The following GOLM1 variants were observed in gnomAD, a reference collection of about 807,000 sequenced individuals.
GOLM1 encodes the protein golgi membrane protein 1.
Under a neutral mutation model 50.5 loss-of-function variants are expected in GOLM1, and 31 were observed. The ratio of observed to expected loss-of-function variants is 0.61; its 90% confidence interval spans 0.46 to 0.83. The LOEUF (loss-of-function observed/expected upper bound fraction) is 0.83. Among genes scored for constraint, GOLM1 ranks in the 40% least tolerant of loss-of-function variants. The pLI, the probability that GOLM1 is intolerant of heterozygous loss-of-function variation, is 0.00. For synonymous variants in GOLM1, 178 were observed against 192.8 expected (o/e 0.92, Z 0.64); for missense variants, 491 against 501.3 (o/e 0.98, Z 0.20).
chr9:86,085,064 G>C (rs918031606), intron 1 of GOLM1: 3 of 135,816 alleles, frequency 2.2e-5, no homozygotes, highest in African/African-American at 7.0e-5. Flanking sequence ...CAAACAAAAA[G>C]ACAGTTAGGC....
rs900703749 is a variant in GOLM1 at position 86,027,531 on chromosome 9, C to T, written c.*286G>A. The T allele has an allele frequency of 1.1e-5, 13 of 1,208,200 alleles. No individual in the cohort carries two copies. In the East Asian group the frequency reaches 4.0e-4, roughly 37 times the overall value. 74.8% of individuals were successfully genotyped at this position (1,208,200 alleles called of 1,614,324 possible). A position where few individuals can be genotyped will look rare whatever the true frequency, so the allele number is the denominator to read the frequency against. ...AATCAGGAAGCCCCGCTGTCGCCAA[C>T]ACTTGAAGGAGAACTATGTTCCAGT... On this transcript the variant is annotated 3_prime_UTR_variant, in exon 10 of 10. Transcript: ENST00000388712.
chr9:86,055,788 GA>G (rs1833966606), intron 3 of GOLM1, among the ~76,000 whole-genome samples: 1 of 152,166 alleles, frequency 6.6e-6, no homozygotes, highest in South Asian at 2.1e-4. Flanking sequence ...AGGGATAGGA[GA>G]GGGGGGAGGG....
chr9:86,073,178 G>A (rs1834500651), intron 3 of GOLM1, among the ~76,000 whole-genome samples: 1 of 151,408 alleles, frequency 6.6e-6, no homozygotes, highest in South Asian at 2.1e-4. Context: ...CTCAATCACC[G>A]GTTTCTAGAT....
intron 3 of GOLM1, among the ~76,000 whole-genome samples, chr9:86,070,869 G>T (rs1834428994): frequency 6.6e-6 from 1 of 152,160 alleles, no homozygotes. Flanking sequence ...CAAAGGATCT[G>T]ATCTGCAGGC....
At chr9:86,034,079 C>T (rs1428144047) in intron 8 of GOLM1, among the ~76,000 whole-genome samples, 2 of 151,964 alleles carry the variant, frequency 1.3e-5, no homozygotes, top group Non-Finnish European at 2.9e-5. Flanking sequence ...ATTCTCCTGC[C>T]TCAGCCTCCC....
In GOLM1 at chr9:86,079,262, G is replaced by A; in HGVS notation, c.59C>T (p.Ala20Val). ...CAAGACGATGATGCAGGCCACCAGG[G>A]CGGCCAGCACGAGGGGCGGCGACTT... is the stretch of plus-strand genomic sequence containing the variant. Reference protein sequence around the residue: ...SMKSPPLVLAALVACIIVLGF... With the variant: ...SMKSPPLVLAVLVACIIVLGF... Residue 20 changes from alanine to valine, a missense_variant, in exon 2 of 10, where the codon GCC becomes GTC. Coordinates refer to ENST00000388712, the MANE Select transcript of GOLM1 (RefSeq NM_016548.4). 1.2e-6 allele frequency: 2 copies of A among 1,611,020 alleles called. No individual in the cohort carries two copies. The highest frequency in any genetic ancestry group is 1.7e-6 in the Non-Finnish European group (2 of 1,177,678).
At position 86,027,130 on chromosome 9, in the gene GOLM1, C is replaced by T. The variant is rs1832810382; in HGVS notation, c.*687G>A. ...ACACACGAAGCAAAGTAAATAAAGA[C>T]CACAAATGTTCAAATTCTAAGCCAC... On this transcript the variant is annotated 3_prime_UTR_variant, in exon 10 of 10. Transcript: ENST00000388712. 1 of 980,988 alleles carries T rather than the reference C, an allele frequency of 1.0e-6. No individual in the cohort carries two copies. The highest frequency in any genetic ancestry group is 4.9e-5 in the South Asian group (1 of 20,388). The allele number at this position is 980,988 out of a possible 1,614,324, so 60.8% of individuals were successfully genotyped here. A position where few individuals can be genotyped will look rare whatever the true frequency, so the allele number is the denominator to read the frequency against.
intron 9 of GOLM1, among the ~76,000 whole-genome samples, chr9:86,029,040 G>A (rs1252920452): frequency 6.6e-6 from 1 of 151,938 alleles, no homozygotes; most frequent in South Asian, 2.1e-4. Flanking sequence ...TGTAGTTTTA[G>A]TAGAGGCGGG....
At chr9:86,098,093 G>A (rs1262878331) in intron 1 of GOLM1, among the ~76,000 whole-genome samples, 1 of 151,994 alleles carries the variant, frequency 6.6e-6, no homozygotes, top group East Asian at 1.9e-4. Flanking sequence ...TGTGAAAATT[G>A]GATAACCTCT....
At chr9:86,085,449 TTTTG>T (rs1215812144) in intron 1 of GOLM1, among the ~76,000 whole-genome samples, 1 of 101,784 alleles carries the variant, frequency 9.8e-6, no homozygotes, top group Non-Finnish European at 1.8e-5. Flanking sequence ...TGCCCAAAGT[TTTTG>T]TTTTTTTTTT....
chr9:86,074,178 A>C (rs1275014505), intron 3 of GOLM1, among the ~76,000 whole-genome samples: 1 of 151,748 alleles, frequency 6.6e-6, no homozygotes, highest in African/African-American at 2.4e-5. Flanking sequence ...GGTTCTTTAA[A>C]ATTTTTTTAA....
intron 4 of GOLM1, among the ~76,000 whole-genome samples, chr9:86,048,827 C>G (rs1283169283): frequency 3.3e-5 from 5 of 152,120 alleles, no homozygotes. Flanking sequence ...CTGTAGCTTG[C>G]CTGTTCACTC....
At chr9:86,073,751 A>G (rs1042493214) in intron 3 of GOLM1, among the ~76,000 whole-genome samples, 1 of 152,198 alleles carries the variant, frequency 6.6e-6, no homozygotes, top group Non-Finnish European at 1.5e-5. Context: ...GTGCTGTCCA[A>G]TGTGACCATT....
chr9:86,059,307 A>T (rs1464019378), intron 3 of GOLM1, among the ~76,000 whole-genome samples: 4 of 152,234 alleles, frequency 2.6e-5, no homozygotes, highest in Admixed American at 1.3e-4. Context: ...GTCCGTCAAC[A>T]GGCGAACAGA....
intron 3 of GOLM1, among the ~76,000 whole-genome samples, chr9:86,071,173 T>C (rs761863808): frequency 3.2e-4 from 48 of 152,032 alleles, no homozygotes; most frequent in Non-Finnish European, 5.3e-4. Flanking sequence ...TTATAGTTCA[T>C]TGAACCTCAA....
rs1047792023 is a variant in GOLM1, at chr9:86,074,309, C to T, written c.309+3103G>A. Among the ~76,000 whole-genome samples the T allele has an allele frequency of 2.6e-5, 4 of 151,562 alleles. No individual in the cohort carries two copies. In the South Asian group the frequency reaches 8.4e-4, roughly 32 times the overall value. Reference sequence around the variant, plus strand: ...GTGAAGGATAAGCCCATCCATGTAGCCAAAATAGAGCTAGTTAGAACACAG... The same window carrying T: ...GTGAAGGATAAGCCCATCCATGTAGTCAAAATAGAGCTAGTTAGAACACAG... On this transcript the variant is annotated intron_variant, in intron 3 of 9. Coordinates refer to ENST00000388712, the MANE Select transcript of GOLM1 (RefSeq NM_016548.4).
intron 3 of GOLM1, among the ~76,000 whole-genome samples, chr9:86,073,563 T>G (rs1392759177): frequency 1.3e-5 from 2 of 152,122 alleles, no homozygotes; most frequent in Non-Finnish European, 2.9e-5. Flanking sequence ...GAAGGTGATT[T>G]CATCTTCCAT....
At chr9:86,042,402 A>C (rs1249002001) in intron 5 of GOLM1, among the ~76,000 whole-genome samples, 1 of 151,730 alleles carries the variant, frequency 6.6e-6, no homozygotes, top group Non-Finnish European at 1.5e-5. Flanking sequence ...AGTTGCAGGC[A>C]TTTCAGAGCC....
chr9:86,046,034 C>T (rs894053257), intron 5 of GOLM1, among the ~76,000 whole-genome samples: 1 of 152,190 alleles, frequency 6.6e-6, no homozygotes, highest in Non-Finnish European at 1.5e-5. Flanking sequence ...GTATTCCATT[C>T]TCACTGTAAA....
Sources: allele counts gnomAD v4.1 joint callset (sites outside exome capture counted in the v4.1 genomes callset), GRCh38; gene constraint gnomAD v4.1.1; transcripts MANE v1.5; gene names NCBI Gene and HGNC (gene_info 2026-07-23, HGNC 2026-07-21).